The following PAK5 variants were observed in gnomAD, a reference collection of about 807,000 sequenced individuals.
PAK5 encodes the protein p21 (RAC1) activated kinase 5.
In PAK5, 16 loss-of-function variants were observed where a neutral mutation model predicts 65.9. The observed-to-expected ratio is 0.24, with a 90% confidence interval of 0.16 to 0.37. The LOEUF is 0.37. Among genes scored for constraint, PAK5 ranks in the 10% least tolerant of loss-of-function variants. The pLI is 1.00. For synonymous variants in PAK5, 371 were observed against 354.9 expected, an observed-to-expected ratio of 1.05 and a Z score of -0.51; for missense variants, 785 against 903.9, an observed-to-expected ratio of 0.87 and a Z score of 1.69.
At chr20:9,822,132 A>G (rs1171594354) in intron 1 of PAK5, among the ~76,000 whole-genome samples, 1 of 152,012 alleles carries the variant, frequency 6.6e-6, no homozygotes, top group Non-Finnish European at 1.5e-5. Context: ...TACTAAAAAT[A>G]CAAAAAATTA....
At chr20:9,559,672 A>C (rs937922454) in intron 6 of PAK5, among the ~76,000 whole-genome samples, 2 of 152,092 alleles carry the variant, frequency 1.3e-5, no homozygotes, top group African/African-American at 2.4e-5. Flanking sequence ...TTGAAACACG[A>C]GAATTGCTTG....
chr20:9,614,918 TA>T (rs1310341191), intron 3 of PAK5, among the ~76,000 whole-genome samples: 3 of 152,168 alleles, frequency 2.0e-5, no homozygotes, highest in Non-Finnish European at 4.4e-5. Context: ...TAAGTGAAGG[TA>T]AAATGAAATT....
At chr20:9,805,445 A>T (rs2049220130) in intron 1 of PAK5, among the ~76,000 whole-genome samples, 1 of 152,226 alleles carries the variant, frequency 6.6e-6, no homozygotes, top group African/African-American at 2.4e-5. Flanking sequence ...AGCATTATTC[A>T]TAAAAGCCAA....
intron 2 of PAK5, among the ~76,000 whole-genome samples, chr20:9,671,946 T>C (rs1205513385): frequency 6.6e-6 from 1 of 152,090 alleles, no homozygotes; most frequent in Non-Finnish European, 1.5e-5. Context: ...GAACTCCTGA[T>C]CCTTAATAAA....
intron 2 of PAK5, among the ~76,000 whole-genome samples, chr20:9,708,434 A>C (rs1359621777): frequency 6.6e-6 from 1 of 152,210 alleles, no homozygotes; most frequent in Non-Finnish European, 1.5e-5. Flanking sequence ...GATATCCAAC[A>C]TATAAGAATT....
intron 7 of PAK5, among the ~76,000 whole-genome samples, chr20:9,550,955 G>A (rs952266207): frequency 1.3e-5 from 2 of 151,938 alleles, no homozygotes; most frequent in South Asian, 2.1e-4. Context: ...TTGCTGGCAG[G>A]AAAAATGCCC....
intron 1 of PAK5, among the ~76,000 whole-genome samples, chr20:9,772,425 T>A (rs1000463297): frequency 6.6e-6 from 1 of 151,662 alleles, no homozygotes; most frequent in Non-Finnish European, 1.5e-5. Flanking sequence ...CTCTAGACCA[T>A]CCCTGTGAAG....
At chr20:9,647,362 T>C (rs1241459812) in intron 2 of PAK5, among the ~76,000 whole-genome samples, 4 of 152,222 alleles carry the variant, frequency 2.6e-5, no homozygotes, top group African/African-American at 9.6e-5. Context: ...GCTTGACAGT[T>C]CAAGAAATTT....
intron 2 of PAK5, among the ~76,000 whole-genome samples, chr20:9,662,424 T>C (rs1249560763): frequency 6.6e-6 from 1 of 152,196 alleles, no homozygotes; most frequent in Non-Finnish European, 1.5e-5. Flanking sequence ...AGAAATTAGC[T>C]GCCCAGCTTA....
At chr20:9,769,268 G>C (rs2048807076) in intron 1 of PAK5, among the ~76,000 whole-genome samples, 1 of 152,220 alleles carries the variant, frequency 6.6e-6, no homozygotes, top group Non-Finnish European at 1.5e-5. Flanking sequence ...GCTGTGTGGA[G>C]ATGAAGCTGT....
At chr20:9,764,802 T>C (rs4566434) in intron 1 of PAK5, among the ~76,000 whole-genome samples, 56,852 of 152,086 alleles carry the variant, frequency 0.37, 11,828 homozygotes, top group Non-Finnish European at 0.47. Context: ...ACTGGATATA[T>C]GTTAGGGTGG....
chr20:9,667,528 A>G (rs1049494112), intron 2 of PAK5, among the ~76,000 whole-genome samples: 5 of 152,066 alleles, frequency 3.3e-5, no homozygotes, highest in Non-Finnish European at 5.9e-5. Context: ...ATCTGTTCCC[A>G]CCAAGGTCTA....
chr20:9,580,530 T>G lies in PAK5; in HGVS notation c.605A>C (p.His202Pro), dbSNP rs1350688953. 6.2e-7 allele frequency: 1 copy of G among 1,614,100 alleles called. No individual in the cohort carries two copies. The highest frequency in any genetic ancestry group is 1.3e-5 in the African/African-American group (1 of 75,024). The change falls in exon 4 of 10, where the codon CAT becomes CCT. Residue 202 changes from histidine to proline, a missense_variant. Around this residue, in one of 4 missense-constraint regions of PAK5, gnomAD observed 422 missense variants for 413.3 expected, o/e 1.02. Transcript: ENST00000353224. ...ACTTGGTTTGCTCAGTGAGTCCAAA[T>G]GTGAGTGATAATCGGCAGAAAATCT... ...FARFSADYHSHLDSLSKPSEY... is the reference protein window; with the variant it reads ...FARFSADYHSPLDSLSKPSEY...
chr20:9,689,154 T>C (rs1234505457), intron 2 of PAK5, among the ~76,000 whole-genome samples: 2 of 152,224 alleles, frequency 1.3e-5, no homozygotes, highest in Non-Finnish European at 2.9e-5. Context: ...CCTCAGGTAC[T>C]GCTTCATTTG....
chr20:9,539,463 C>T lies in PAK5; in HGVS notation c.2159G>A (p.Ter720=). The change falls in exon 10 of 10, where the codon TGA becomes TAA. Residue 720 remains the stop codon, a stop_retained_variant. Coordinates refer to ENST00000353224, the MANE Select transcript of PAK5 (RefSeq NM_177990.4). ...VPLMRQYRHH[*] ...TTGCCACCTACACGAATCCTCTGCT[C>T]AGTGATGCCTGTATTGTCTCATGAG... is the stretch of plus-strand genomic sequence containing the variant. The T allele has an allele frequency of 6.2e-7, 1 of 1,613,806 alleles. No homozygotes were observed. The highest frequency in any genetic ancestry group is 8.5e-7 in the Non-Finnish European group (1 of 1,179,770).
At chr20:9,550,324 A>G (rs2045407550) in intron 7 of PAK5, among the ~76,000 whole-genome samples, 1 of 152,210 alleles carries the variant, frequency 6.6e-6, no homozygotes, top group African/African-American at 2.4e-5. Context: ...CCCAGCCACC[A>G]GTAGGACCAG....
chr20:9,792,073 C>T (rs929990438), intron 1 of PAK5, among the ~76,000 whole-genome samples: 1 of 152,144 alleles, frequency 6.6e-6, no homozygotes, highest in Non-Finnish European at 1.5e-5. Context: ...CTGTAAGCAC[C>T]TTGAGGGGTG....
At chr20:9,597,955 T>TA (rs995749272) in intron 3 of PAK5, among the ~76,000 whole-genome samples, 213 of 152,330 alleles carry the variant, frequency 1.4e-3, no homozygotes, top group African/African-American at 4.8e-3. Context: ...AAACAGTTTT[T>TA]AAAAAAATTT....
intron 6 of PAK5, among the ~76,000 whole-genome samples, chr20:9,558,049 TTCATTC>T: frequency 6.6e-6 from 1 of 151,672 alleles, no homozygotes; most frequent in African/African-American, 2.4e-5. Context: ...TATTTATTCA[TTCATTC>T]ATTCATTCAT....
Sources: gnomAD v4.1 joint callset for allele counts (sites outside exome capture counted in the v4.1 genomes callset) on GRCh38, gnomAD v4.1.1 for gene constraint, gnomAD v4.1.1 regional missense constraint, MANE v1.5 for transcripts, NCBI Gene and HGNC (gene_info 2026-07-23, HGNC 2026-07-21) for gene names.